The following CLPB variants were observed in gnomAD, a reference collection of about 807,000 sequenced individuals.
CLPB encodes the protein ClpB family mitochondrial disaggregase.
A neutral mutation model predicts 78.4 loss-of-function variants in CLPB; 40 were observed. That is an observed-to-expected ratio of 0.51 (90% CI 0.40 to 0.66). The LOEUF is 0.66. CLPB is among the 30% of genes least tolerant of loss of function. The pLI is 0.00. For synonymous variants in CLPB, 333 were observed against 348.0 expected (o/e 0.96, Z 0.48); for missense variants, 780 against 886.9 (o/e 0.88, Z 1.53).
At chr11:72,367,858 T>C (rs1270401233) in intron 4 of CLPB, among the ~76,000 whole-genome samples, 1 of 152,188 alleles carries the variant, frequency 6.6e-6, no homozygotes, top group East Asian at 1.9e-4. Flanking sequence ...AGCTTTTTTA[T>C]ATTAAGCTCT....
intron 4 of CLPB, among the ~76,000 whole-genome samples, chr11:72,360,856 G>A (rs989405365): frequency 4.6e-5 from 7 of 152,124 alleles, no homozygotes; most frequent in African/African-American, 1.7e-4. Context: ...CCATTTTATA[G>A]ATGAGGAAAC....
intron 5 of CLPB, among the ~76,000 whole-genome samples, chr11:72,351,179 T>G (rs1398560905): frequency 2.6e-5 from 4 of 152,188 alleles, no homozygotes; most frequent in African/African-American, 9.7e-5. Flanking sequence ...AGAAGGGCCA[T>G]GTTAGAGAAG....
chr11:72,294,374 G>A lies in CLPB; in HGVS notation c.1631C>T (p.Ser544Leu), dbSNP rs1430716011. 5.0e-6 allele frequency: 8 copies of A among 1,614,100 alleles called. No individual in the cohort carries two copies. The highest frequency in any genetic ancestry group is 3.3e-5 in the Admixed American group (2 of 60,008). Residue 544 changes from serine (S) to leucine (L), a missense_variant, in exon 14 of 16, where the codon TCG (serine) becomes TTG (leucine). Transcript: ENST00000538039. ...EIVYFLPFCH[S>L]ELIQLVNKEL... ...CTTGTTGACGAGTTGGATGAGCTCC[G>A]AGTGGCAGAAGGGGAGGAAGTAGAC...
chr11:72,311,686 C>T (rs1271684699), intron 7 of CLPB, among the ~76,000 whole-genome samples: 1 of 152,228 alleles, frequency 6.6e-6, no homozygotes, highest in African/African-American at 2.4e-5. Flanking sequence ...TCCAATCTGG[C>T]CTGCTCAGCC....
rs182607858 is a variant in CLPB at position 72,287,829 on chromosome 11, A to G, written c.*5538T>C. ...TTCTATTCTTCTTCTCAATTCCTCA[A>G]TATATATGGTTATGTCTAATTTCTC... On this transcript the variant is annotated 3_prime_UTR_variant, in exon 16 of 16. Transcript: ENST00000538039. The G allele has an allele frequency of 6.6e-6, 1 of 152,024 alleles. No individual in the cohort carries two copies. The highest frequency in any genetic ancestry group is 6.5e-5 in the Admixed American group (1 of 15,282). 9.4% of individuals were successfully genotyped at this position (152,024 alleles called of 1,614,324 possible).
chr11:72,375,307 C>T (rs573371847), intron 4 of CLPB, among the ~76,000 whole-genome samples: 10 of 152,238 alleles, frequency 6.6e-5, no homozygotes, highest in Middle Eastern at 6.8e-3. Flanking sequence ...AATCCTTTAA[C>T]GGCCTTCAGA....
At chr11:72,423,475 A>G (rs531503825) in intron 2 of CLPB, among the ~76,000 whole-genome samples, 1 of 152,324 alleles carries the variant, frequency 6.6e-6, no homozygotes, top group South Asian at 2.1e-4. Flanking sequence ...ACCATCACCA[A>G]GTCCTATCTA....
chr11:72,394,213 G>A (rs1855337325), intron 3 of CLPB, among the ~76,000 whole-genome samples: 1 of 152,158 alleles, frequency 6.6e-6, no homozygotes, highest in Non-Finnish European at 1.5e-5. Context: ...CACCAGCCTG[G>A]CAGCTCTGTT....
intron 6 of CLPB, among the ~76,000 whole-genome samples, chr11:72,323,456 A>G (rs565824323): frequency 6.6e-6 from 1 of 151,672 alleles, no homozygotes; most frequent in Non-Finnish European, 1.5e-5. Flanking sequence ...AGTTCCAGCT[A>G]CTCTGGAGGC....
chr11:72,358,018 C>T (rs1421526453), intron 5 of CLPB, among the ~76,000 whole-genome samples: 3 of 152,122 alleles, frequency 2.0e-5, no homozygotes, highest in Admixed American at 1.3e-4. Context: ...CTCCACACAT[C>T]CTGGCCAGAT....
chr11:72,317,925 G>A lies in CLPB; in HGVS notation c.874-705C>T, dbSNP rs183953207. On this transcript the variant is annotated intron_variant, in intron 6 of 15. Coordinates refer to ENST00000538039, the MANE Select transcript of CLPB (RefSeq NM_001258392.3). ...AGGAGAAGCCTAAGCTTGGTTGCCCGCACAGAAGAGGAGACCCGGGCTTGC... is the reference window on the plus strand; with the variant it reads ...AGGAGAAGCCTAAGCTTGGTTGCCCACACAGAAGAGGAGACCCGGGCTTGC... 2.3e-4 allele frequency among the ~76,000 whole-genome samples: 35 copies of A among 152,322 alleles called. 2 individuals carry two copies. In the East Asian group the frequency reaches 5.2e-3, roughly 23 times the overall value.
intron 4 of CLPB, 23 bp from the exon 5 acceptor site, chr11:72,359,031 C>G: frequency 6.2e-7 from 1 of 1,612,434 alleles, no homozygotes; most frequent in Non-Finnish European, 8.5e-7. Flanking sequence ...CAACACAAAC[C>G]CTTCCATTAG....
intron 11 of CLPB, among the ~76,000 whole-genome samples, chr11:72,297,702 T>TGTGTGTGTGAGA (rs1464583884): frequency 1.5e-5 from 2 of 129,658 alleles, no homozygotes; most frequent in East Asian, 2.3e-4. Flanking sequence ...TGTGTGTGTG[T>TGTGTGTGTGAGA]GACATGTCCA....
At chr11:72,387,810 G>C (rs187018350) in intron 3 of CLPB, among the ~76,000 whole-genome samples, 1 of 152,286 alleles carries the variant, frequency 6.6e-6, no homozygotes, top group Admixed American at 6.5e-5. Flanking sequence ...TAAGAAGGCA[G>C]CTCTTCTATA....
chr11:72,434,166 G>A lies in CLPB; in HGVS notation c.309C>T (p.Ser103=). ...GPEETLPGQD[S]WNGVPSRAGL... ...CGGCCCTGCTGGGGACCCCGTTCCA[G>A]CTGTCCTGTCCTGGGAGTGTTTCTT... Residue 103 remains serine, a synonymous_variant, in exon 1 of 16, where the codon AGC becomes AGT. Transcript: ENST00000538039. 6.2e-7 allele frequency: 1 copy of A among 1,613,074 alleles called. No homozygotes were observed.
In CLPB at chr11:72,434,437, G is replaced by T; in HGVS notation, c.38C>A (p.Ala13Glu). The change falls in exon 1 of 16, where the codon GCG becomes GAG. Residue 13 changes from alanine to glutamate, a missense_variant. By Grantham distance (107) the Ala-to-Glu change is moderately radical (BLOSUM62 -1). Around this residue, in one of 3 missense-constraint regions of CLPB, gnomAD observed 417 missense variants for 414.7 expected, o/e 1.01. Coordinates refer to ENST00000538039, the MANE Select transcript of CLPB (RefSeq NM_001258392.3). Reference protein sequence around the residue: ...GSLVLRRKALAPRLLLRLLRS... With the variant: ...GSLVLRRKALEPRLLLRLLRS... ...GAGCAGCCGGAGGAGTAGCCGTGGC[G>T]CCAGTGCTTTTCTCCTCAACACCAG... is the stretch of plus-strand genomic sequence containing the variant. 1 of 1,577,990 alleles carries T rather than the reference G, an allele frequency of 6.3e-7. No individual in the cohort carries two copies. The highest frequency in any genetic ancestry group is 1.1e-5 in the South Asian group (1 of 87,300).
chr11:72,299,950 T>G (rs1949625515), intron 11 of CLPB, among the ~76,000 whole-genome samples: 1 of 152,140 alleles, frequency 6.6e-6, no homozygotes, highest in African/African-American at 2.4e-5. Context: ...TGCCTTCTGT[T>G]TTTTGGGCCA....
intron 9 of CLPB, among the ~76,000 whole-genome samples, chr11:72,304,686 T>C (rs973277556): frequency 1.3e-5 from 2 of 152,218 alleles, no homozygotes; most frequent in African/African-American, 2.4e-5. Flanking sequence ...AGCAGCAAGA[T>C]CTGGAGGTGT....
At chr11:72,354,445 C>A in intron 5 of CLPB, 1 of 397,934 alleles carries the variant, frequency 2.5e-6, no homozygotes, top group South Asian at 1.3e-4. Context: ...ATGGATCTGC[C>A]GGTGGGATCA....
Sources: gnomAD v4.1 joint callset for allele counts (sites outside exome capture counted in the v4.1 genomes callset) on GRCh38, gnomAD v4.1.1 for gene constraint, gnomAD v4.1.1 regional missense constraint, MANE v1.5 for transcripts, NCBI Gene and HGNC (gene_info 2026-07-23, HGNC 2026-07-21) for gene names.